The following DCHS2 variants were observed in gnomAD, a reference collection of about 807,000 sequenced individuals.
The protein encoded by DCHS2 is dachsous cadherin-related 2.
A neutral mutation model predicts 182.4 loss-of-function variants in DCHS2; 142 were observed. The observed-to-expected ratio is 0.78, with a 90% CI of 0.68 to 0.89. The LOEUF is 0.89. Ranked by LOEUF, DCHS2 falls within the 40% of genes least tolerant of loss-of-function variation. The probability of loss-of-function intolerance (pLI) is 0.00; values close to 1 mark genes in which losing one functional copy is unlikely to be tolerated. For synonymous variants in DCHS2, 1,740 were observed against 1,663.3 expected, an observed-to-expected ratio of 1.05 and a Z score of -1.12; for missense variants, 4,319 against 4,198.6, an observed-to-expected ratio of 1.03 and a Z score of -0.79.
At chr4:154,277,229 A>G (rs1733890922) in intron 13 of DCHS2, among the ~76,000 whole-genome samples, 1 of 152,178 alleles carries the variant, frequency 6.6e-6, no homozygotes, top group Non-Finnish European at 1.5e-5. Flanking sequence ...GAAGGGTAGA[A>G]TATACATCCA....
At chr4:154,328,328 A>G in intron 6 of DCHS2, 136 bp from the exon 7 acceptor site, 1 of 553,444 alleles carries the variant, frequency 1.8e-6, no homozygotes, top group Non-Finnish European at 3.0e-6. Flanking sequence ...TCAAATGCAT[A>G]CCATGTAAAA....
At chr4:154,414,959 C>CT (rs1304792057) in intron 1 of DCHS2, among the ~76,000 whole-genome samples, 7 of 152,146 alleles carry the variant, frequency 4.6e-5, no homozygotes, top group Admixed American at 2.6e-4. Flanking sequence ...TTGACAGCTG[C>CT]TAAGAAGGTG....
At chr4:154,317,190 A>G (rs13111065) in intron 9 of DCHS2, among the ~76,000 whole-genome samples, 81,071 of 152,132 alleles carry the variant, frequency 0.53, 22,371 homozygotes, top group Admixed American at 0.63. Context: ...TTTGAAAAAC[A>G]TCTCCATTGA....
chr4:154,334,741 G>T, intron 4 of DCHS2, 127 bp downstream of exon 4: 2 of 725,076 alleles, frequency 2.8e-6, no homozygotes, highest in Admixed American at 2.4e-5. Context: ...GCCACAGTTT[G>T]TGTTATCTCC....
intron 14 of DCHS2, among the ~76,000 whole-genome samples, chr4:154,261,323 T>C (rs1732975610): frequency 6.6e-6 from 1 of 152,358 alleles, no homozygotes; most frequent in African/African-American, 2.4e-5. Context: ...GAATGTCTCT[T>C]TGTAGTAACA....
chr4:154,381,211 A>C (rs1731151318), intron 1 of DCHS2, among the ~76,000 whole-genome samples: 1 of 152,222 alleles, frequency 6.6e-6, no homozygotes, highest in African/African-American at 2.4e-5. Flanking sequence ...TTAGACAGAG[A>C]TGAATCTGAT....
At chr4:154,238,588 A>G (rs1731647659) in intron 19 of DCHS2, among the ~76,000 whole-genome samples, 1 of 152,220 alleles carries the variant, frequency 6.6e-6, no homozygotes, top group Non-Finnish European at 1.5e-5. Context: ...GCATTTCACA[A>G]CCACGAATGT....
rs78503634 is a variant in DCHS2, at chr4:154,366,992, C to T, written c.2245-551G>A. The stretch of plus-strand genomic sequence containing the variant: ...TAGGAAGGTACCATTGGTGTGCAGA[C>T]CAACCCACATGAGGCAGCTAGACTT... On this transcript the variant is annotated intron_variant, in intron 2 of 19. Transcript: ENST00000357232. Among the ~76,000 whole-genome samples the T allele has an allele frequency of 7.5e-3, 1,144 of 152,218 alleles. 13 individuals carry two copies. The highest frequency in any genetic ancestry group is 0.025 in the African/African-American group (1,025 of 41,530).
chr4:154,371,743 G>T (rs150965091), intron 2 of DCHS2, among the ~76,000 whole-genome samples: 2 of 152,298 alleles, frequency 1.3e-5, no homozygotes, highest in African/African-American at 4.8e-5. Flanking sequence ...ATCTTAAGTG[G>T]TAGGAGCAGG....
intron 13 of DCHS2, among the ~76,000 whole-genome samples, chr4:154,294,957 G>T (rs1734854702): frequency 6.6e-6 from 1 of 152,178 alleles, no homozygotes; most frequent in African/African-American, 2.4e-5. Context: ...TTCGCTTCTT[G>T]TGTCTTTTAT....
intron 3 of DCHS2, among the ~76,000 whole-genome samples, chr4:154,357,780 A>G (rs561554544): frequency 3.3e-5 from 5 of 152,248 alleles, no homozygotes; most frequent in Admixed American, 3.3e-4. Flanking sequence ...CTTAAAAACA[A>G]CTCTATACTA....
intron 1 of DCHS2, among the ~76,000 whole-genome samples, chr4:154,447,563 T>C (rs888276444): frequency 5.3e-5 from 8 of 152,228 alleles, no homozygotes; most frequent in Admixed American, 3.3e-4. Context: ...CACTTTCAAA[T>C]GGATTTGGAT....
intron 1 of DCHS2, among the ~76,000 whole-genome samples, chr4:154,422,550 G>C (rs533142413): frequency 3.9e-5 from 6 of 152,162 alleles, no homozygotes; most frequent in African/African-American, 1.4e-4. Context: ...TTCCATTCTT[G>C]GTCCCCATCC....
chr4:154,427,596 TTTAACAGAGGTAGCATC>T (rs1733383728), intron 1 of DCHS2, among the ~76,000 whole-genome samples: 1 of 152,208 alleles, frequency 6.6e-6, no homozygotes, highest in Non-Finnish European at 1.5e-5. Context: ...AAGTTTTTCT[TTTAACAGAGGTAGCATC>T]TGAGTTATGT....
Position 154,259,740 on chromosome 4 carries a change from T to G in DCHS2, c.6594A>C (p.Lys2198Asn), listed in dbSNP as rs369868863. 9.3e-6 allele frequency: 15 copies of G among 1,613,696 alleles called. No homozygotes were observed. The highest frequency in any genetic ancestry group is 1.3e-5 in the Non-Finnish European group (15 of 1,179,886). ...CTTCAAAATCAAGAAACTTGGGTTC[T>G]TTCACAGTGAGTTGTCCTATTTTTA... Reference protein sequence around the residue: ...LCSKSGQLTVKEPKFLDFEVR... With the variant: ...LCSKSGQLTVNEPKFLDFEVR... Residue 2198 changes from lysine to asparagine, a missense_variant, in exon 15 of 20, where the codon AAA (lysine) becomes AAC (asparagine). Physicochemically the swap from Lys to Asn is moderately conservative, Grantham distance 94 (BLOSUM62 0). Transcript: ENST00000357232.
rs1314056746 is a variant in DCHS2 at position 154,235,789 on chromosome 4, C to T, written c.8863G>A (p.Glu2955Lys). 1 of 1,613,906 alleles carries T rather than the reference C, an allele frequency of 6.2e-7. No homozygotes were observed. The highest frequency in any genetic ancestry group is 1.1e-5 in the South Asian group (1 of 91,058). The change falls in exon 20 of 20, where the codon GAA becomes AAA. Residue 2955 changes from glutamate to lysine, a missense_variant. By Grantham distance (56) the Glu-to-Lys change is moderately conservative (BLOSUM62 1). Coordinates refer to ENST00000357232, the MANE Select transcript of DCHS2 (RefSeq NM_001358235.2). The stretch of plus-strand genomic sequence containing the variant: ...GGACTATGAGCGATTATTTTCATTT[C>T]CAAGGTGTCTTCTTTGTTGAGTTGA... ...KSQLNKEDTL[E>K]MKIIAHSPKS...
At chr4:154,320,247 G>C in intron 9 of DCHS2, 132 bp downstream of exon 9, 1 of 1,376,092 alleles carries the variant, frequency 7.3e-7, no homozygotes, top group Non-Finnish European at 9.7e-7. Context: ...CTAGAGATAC[G>C]CTGTGCAACA....
chr4:154,414,216 T>C (rs1433969422), intron 1 of DCHS2, among the ~76,000 whole-genome samples: 1 of 149,170 alleles, frequency 6.7e-6, no homozygotes, highest in Non-Finnish European at 1.5e-5. Flanking sequence ...GAGATATAGA[T>C]ATATGTTCCA....
rs368593776 is a variant in DCHS2, at chr4:154,427,838, T to C, written c.2053-50394A>G. Among the ~76,000 whole-genome samples, 38 of 152,314 alleles carry C rather than the reference T, an allele frequency of 2.5e-4. 2 individuals carry two copies. Among genetic ancestry groups the C allele is most frequent in the Admixed American group, 1.6e-3 (24 of 15,294 alleles). On this transcript the variant is annotated intron_variant, in intron 1 of 19. Coordinates refer to ENST00000357232, the MANE Select transcript of DCHS2 (RefSeq NM_001358235.2). ...TGTTAACTACCTCTCTCTCTATCTG[T>C]AAAACGGAAAATATAAAACTTTGTC...
Sources: allele counts gnomAD v4.1 joint callset (sites outside exome capture counted in the v4.1 genomes callset), GRCh38; gene constraint gnomAD v4.1.1; transcripts MANE v1.5; gene names NCBI Gene and HGNC (gene_info 2026-07-23, HGNC 2026-07-21).